DIP2A: variants seen among roughly 807,000 people sequenced by gnomAD.
The protein encoded by DIP2A is DIP2 acetate--CoA ligase A, also known as disco-interacting protein 2 homolog A.
A neutral mutation model predicts 177.4 loss-of-function variants in DIP2A; 85 were observed. The observed-to-expected ratio is 0.48, with a 90% CI of 0.40 to 0.57. The LOEUF is 0.57. Ranked by LOEUF, DIP2A falls within the 20% of genes least tolerant of loss-of-function variation. The probability of loss-of-function intolerance (pLI) is 0.00; values close to 1 mark genes in which losing one functional copy is unlikely to be tolerated. For synonymous variants in DIP2A, 886 were observed against 881.8 expected, an observed-to-expected ratio of 1.00 and a Z score of -0.08; for missense variants, 1,791 against 2,100.2, an observed-to-expected ratio of 0.85 and a Z score of 2.88.
intron 1 of DIP2A, among the ~76,000 whole-genome samples, chr21:46,475,396 A>T (rs1204070830): frequency 6.6e-6 from 1 of 152,238 alleles, no homozygotes; most frequent in Admixed American, 6.5e-5. Flanking sequence ...ATCTACCTGT[A>T]TGTCCTGAAT....
At chr21:46,574,848 C>G (rs2060982733), downstream of DIP2A, among the ~76,000 whole-genome samples, 1 of 152,078 alleles carries the variant, frequency 6.6e-6, no homozygotes, top group South Asian at 2.1e-4. Context: ...TTGGTGAATT[C>G]TACCAAACAT....
intron 1 of DIP2A, among the ~76,000 whole-genome samples, chr21:46,466,641 C>T (rs1214059925): frequency 2.6e-5 from 4 of 151,876 alleles, no homozygotes; most frequent in South Asian, 2.1e-4. Context: ...CCACCACTCC[C>T]GGCCACAACT....
Position 46,550,730 on chromosome 21 carries a change from G to A in DIP2A, c.2825G>A (p.Arg942His), listed in dbSNP as rs201926666. 3.0e-5 allele frequency: 48 copies of A among 1,613,884 alleles called. No individual in the cohort carries two copies. The highest frequency in any genetic ancestry group is 4.5e-5 in the East Asian group (2 of 44,890). ...HTCVTNLPKP[R>H]QKQPEVGPAS... Reference sequence around the variant, plus strand: ...TGTGTTACCAACCTCCCCAAACCTCGTCAGAAACAACCAGGTTAGTTGAAC... The same window carrying A: ...TGTGTTACCAACCTCCCCAAACCTCATCAGAAACAACCAGGTTAGTTGAAC... The change falls in exon 23 of 38, where the codon CGT (arginine) becomes CAT (histidine). Residue 942 changes from arginine to histidine, a missense_variant. Physicochemically the swap from Arg to His is conservative, Grantham distance 29. Coordinates refer to ENST00000417564, the MANE Select transcript of DIP2A (RefSeq NM_015151.4).
chr21:46,561,877 G>A, intron 34 of DIP2A, 72 bp downstream of exon 34: 8 of 1,590,158 alleles, frequency 5.0e-6, no homozygotes, highest in Non-Finnish European at 6.9e-6. Context: ...CCCCGTGGAG[G>A]GTGCTGGGGG....
chr21:46,559,127 T>C (rs901312596), intron 32 of DIP2A: 1 of 121,640 alleles, frequency 8.2e-6, no homozygotes, highest in African/African-American at 3.2e-5. Flanking sequence ...AAAAAAAACA[T>C]AGGTAGCACC....
At chr21:46,529,884 G>A (rs2148743589) in intron 9 of DIP2A, among the ~76,000 whole-genome samples, 1 of 152,248 alleles carries the variant, frequency 6.6e-6, no homozygotes, top group South Asian at 2.1e-4. Flanking sequence ...GTACCTATCT[G>A]CCAAAATAGG....
At position 46,538,585 on chromosome 21, in the gene DIP2A, C is replaced by T. The variant is rs1450034201; in HGVS notation, c.1904C>T (p.Ala635Val). ...SLSSLRMLIV[A>V]DGANPWSISS... Reference sequence around the variant, plus strand: ...AGCTCACTGCGCATGCTGATTGTGGCCGATGGTGCCAACCCGTGTGAGTGA... The same window carrying T: ...AGCTCACTGCGCATGCTGATTGTGGTCGATGGTGCCAACCCGTGTGAGTGA... The change falls in exon 16 of 38, where the codon GCC becomes GTC. Residue 635 changes from alanine to valine, a missense_variant. Ala to Val is a moderately conservative substitution (Grantham distance 64). Transcript: ENST00000417564. 6.4e-7 allele frequency: 1 copy of T among 1,555,574 alleles called. No homozygotes were observed. The highest frequency in any genetic ancestry group is 8.7e-7 in the Non-Finnish European group (1 of 1,151,444).
At chr21:46,554,972 C>G in intron 28 of DIP2A, 39 bp downstream of exon 28, 4 of 1,534,146 alleles carry the variant, frequency 2.6e-6, no homozygotes, top group Non-Finnish European at 3.5e-6. Context: ...GTCCCTTTTC[C>G]TTTCTTTGTT....
intron 1 of DIP2A, among the ~76,000 whole-genome samples, chr21:46,482,299 A>G (rs1490298688): frequency 1.3e-5 from 2 of 152,186 alleles, no homozygotes; most frequent in African/African-American, 4.8e-5. Context: ...GATTGACCAC[A>G]TATATAACAG....
Position 46,549,902 on chromosome 21 carries a change from G to A in DIP2A, c.2637+17G>A, listed in dbSNP as rs768627699. The A allele has an allele frequency of 1.1e-5, 18 of 1,608,150 alleles. No individual in the cohort carries two copies. The highest frequency in any genetic ancestry group is 3.3e-5 in the Admixed American group (2 of 59,966). On this transcript the variant is annotated intron_variant, in intron 22 of 37. Coordinates refer to ENST00000417564, the MANE Select transcript of DIP2A (RefSeq NM_015151.4). ...GTGCTGCAGGTGGGCGCCCCGGCAC[G>A]GCCTATGGTTCGGTGAATCTCCCAA...
At position 46,511,466 on chromosome 21, in the gene DIP2A, T is replaced by C. The variant is rs946890375; in HGVS notation, c.954T>C (p.Ser318=). Residue 318 remains serine (S), a synonymous_variant, in exon 8 of 38, where the codon AGT becomes AGC. Coordinates refer to ENST00000417564, the MANE Select transcript of DIP2A (RefSeq NM_015151.4). ...NQPKPEGSET[S]VLRGEPLTAG... Reference sequence around the variant, plus strand: ...CAAAGCCTGAGGGAAGCGAGACGAGTGTGCTGAGAGGGGAGCCTCTCACTG... The same window carrying C: ...CAAAGCCTGAGGGAAGCGAGACGAGCGTGCTGAGAGGGGAGCCTCTCACTG... 1.2e-6 allele frequency: 2 copies of C among 1,612,948 alleles called. No individual in the cohort carries two copies. Among genetic ancestry groups the C allele is most frequent in the African/African-American group, 1.3e-5 (1 of 74,850 alleles).
At position 46,541,572 on chromosome 21, in the gene DIP2A, C is replaced by T. The variant is rs116128853; in HGVS notation, c.2037-184C>T. 6.9e-3 allele frequency among the ~76,000 whole-genome samples: 1,051 copies of T among 152,262 alleles called. 9 individuals carry two copies. The highest frequency in any genetic ancestry group is 0.024 in the African/African-American group (994 of 41,522). Reference sequence around the variant, plus strand: ...CTTTTCCCACTGAGTGGAGTGTCGACGTCACATTGCAGAGGGGCATGTAGT... The same window carrying T: ...CTTTTCCCACTGAGTGGAGTGTCGATGTCACATTGCAGAGGGGCATGTAGT... On this transcript the variant is annotated intron_variant, in intron 17 of 37. Transcript: ENST00000417564.
Position 46,498,461 on chromosome 21 carries a change from C to A in DIP2A, c.404-121C>A. On this transcript the variant is annotated intron_variant, in intron 4 of 37. Transcript: ENST00000417564. This position sits in a 1 kb window ranked among gnomAD's most constrained non-coding sequence, Gnocchi z 4.3. The stretch of plus-strand genomic sequence containing the variant: ...GCTGACTGCGTGGCTTTGGGCAGAG[C>A]TGTGCCAGGTGTACAGAAGCATGCT... 8.0e-7 allele frequency: 1 copy of A among 1,245,046 alleles called. No homozygotes were observed. The highest frequency in any genetic ancestry group is 2.2e-5 in the Admixed American group (1 of 46,230). 77.1% of individuals were successfully genotyped at this position (1,245,046 alleles called of 1,614,324 possible).
downstream of DIP2A, among the ~76,000 whole-genome samples, chr21:46,572,545 A>C (rs2060975867): frequency 2.0e-5 from 3 of 152,180 alleles, no homozygotes. Flanking sequence ...ATGGATTATC[A>C]TGGGAATGGG....
chr21:46,514,640 T>G (rs1326165088), intron 8 of DIP2A, among the ~76,000 whole-genome samples: 1 of 107,212 alleles, frequency 9.3e-6, no homozygotes, highest in African/African-American at 3.5e-5. Flanking sequence ...TTTTTTTTTT[T>G]GGTTTTTTTT....
chr21:46,579,310 T>G, the DIP2A span, among the ~76,000 whole-genome samples: 8 of 152,188 alleles, frequency 5.3e-5, no homozygotes, highest in Non-Finnish European at 7.3e-5. Context: ...GATATTCTCT[T>G]TATCATTTTC....
intron 23 of DIP2A, 129 bp downstream of exon 23, chr21:46,550,873 C>T (rs1346124307): frequency 9.2e-6 from 9 of 979,944 alleles, no homozygotes; most frequent in Non-Finnish European, 1.4e-5. Context: ...GGTCAAGAGC[C>T]AGAGCGAGTG....
chr21:46,490,626 A>G lies in DIP2A; in HGVS notation c.190A>G (p.Asn64Asp), dbSNP rs772040847. The change falls in exon 3 of 38, where the codon AAT (asparagine) becomes GAT (aspartate). Residue 64 changes from asparagine (N) to aspartate (D), a missense_variant. Physicochemically the swap from Asn to Asp is conservative, Grantham distance 23. Coordinates refer to ENST00000417564, the MANE Select transcript of DIP2A (RefSeq NM_015151.4). ...AATAGACCCATCTCTGCAAGCAGAG[A>G]ATAGAATTCCTGGGCCCTCACAAAC... ...QGIDPSLQAE[N>D]RIPGPSQTTA... The G allele has an allele frequency of 6.3e-7, 1 of 1,579,082 alleles. No homozygotes were observed. The highest frequency in any genetic ancestry group is 8.6e-7 in the Non-Finnish European group (1 of 1,162,370).
chr21:46,565,962 G>A lies in DIP2A; in HGVS notation c.4339+75G>A. ...GGGCTCCCCAAGAGCTTAGTCACCTGCTAGCACACCTCACTCCTTGCTGTG... is the reference window on the plus strand; with the variant it reads ...GGGCTCCCCAAGAGCTTAGTCACCTACTAGCACACCTCACTCCTTGCTGTG... On this transcript the variant is annotated intron_variant, in intron 36 of 37. Transcript: ENST00000417564. 5 of 1,527,654 alleles carry A rather than the reference G, an allele frequency of 3.3e-6. No homozygotes were observed. The South Asian group carries it at 4.7e-5, about 14-fold the overall frequency. 94.6% of individuals were successfully genotyped at this position (1,527,654 alleles called of 1,614,324 possible). A position where few individuals can be genotyped will look rare whatever the true frequency, so the allele number is the denominator to read the frequency against.
Sources: gnomAD v4.1 joint callset for allele counts (sites outside exome capture counted in the v4.1 genomes callset) on GRCh38, gnomAD v4.1.1 for gene constraint, Gnocchi (gnomAD v3.1) non-coding constraint, MANE v1.5 for transcripts, NCBI Gene and HGNC (gene_info 2026-07-23, HGNC 2026-07-21) for gene names.